Variants in FAM20C observed in about 807,000 individuals in gnomAD.
FAM20C encodes the protein extracellular serine/threonine protein kinase FAM20C.
FAM20C carries 40 observed loss-of-function variants against 51.5 expected under a neutral mutation model. That is an observed-to-expected ratio of 0.78 (90% CI 0.60 to 1.01). FAM20C has a LOEUF of 1.01. Ranked by LOEUF, FAM20C falls within the 50% of genes least tolerant of loss-of-function variation. The probability of loss-of-function intolerance (pLI) is 0.00; values close to 1 mark genes in which losing one functional copy is unlikely to be tolerated. For synonymous variants in FAM20C, 406 were observed against 380.6 expected, an observed-to-expected ratio of 1.07 and a Z score of -0.78; for missense variants, 861 against 844.7, an observed-to-expected ratio of 1.02 and a Z score of -0.24.
In FAM20C at chr7:208,336, TGTGTGTTGTGTGTACTGTAGG is replaced by T. The variant is rs1786535817; in HGVS notation, c.785-556_785-536del. Among the ~76,000 whole-genome samples the T allele has an allele frequency of 5.0e-5, 7 of 139,858 alleles. No homozygotes were observed. In the South Asian group the frequency reaches 1.6e-3, roughly 32 times the overall value. 91.8% of individuals were successfully genotyped at this position (139,858 alleles called of 152,430 possible). On this transcript the variant is annotated intron_variant, in intron 2 of 9. Transcript: ENST00000313766. ...GCCCTTGTGTCTGTGGGTGTGTAGG[TGTGTGTTGTGTGTACTGTAGG>T]GTGTGGTGTGTGTAGGTGTGTATGG...
intron 4 of FAM20C, among the ~76,000 whole-genome samples, chr7:247,391 C>T (rs1788210729): frequency 6.6e-6 from 1 of 152,178 alleles, no homozygotes; most frequent in South Asian, 2.1e-4. Flanking sequence ...AGCCTCCCTG[C>T]CTGCCCTGCA....
chr7:194,135 G>A (rs1435044699), intron 1 of FAM20C: 7 of 298,032 alleles, frequency 2.3e-5, no homozygotes, highest in African/African-American at 1.5e-4. Context: ...AGTTGGTGAG[G>A]GAAGGAGCCA....
At chr7:257,128 C>A in intron 8 of FAM20C, 42 bp downstream of exon 8, 1 of 1,521,240 alleles carries the variant, frequency 6.6e-7, no homozygotes, top group Non-Finnish European at 8.8e-7. Context: ...GAAGGGCCGG[C>A]CACCTCCCAG....
intron 3 of FAM20C, among the ~76,000 whole-genome samples, chr7:226,997 C>G (rs1446540246): frequency 2.6e-5 from 4 of 152,136 alleles, no homozygotes; most frequent in African/African-American, 9.7e-5. Flanking sequence ...GGCACCCTCC[C>G]CTCGGCTGTT....
chr7:234,130 C>T (rs1431547696), intron 3 of FAM20C, among the ~76,000 whole-genome samples: 3 of 152,216 alleles, frequency 2.0e-5, no homozygotes, highest in Non-Finnish European at 2.9e-5. Flanking sequence ...CAAGTGGAGG[C>T]GTGACGCCTG....
chr7:247,789 G>C (rs1404675881), intron 4 of FAM20C, among the ~76,000 whole-genome samples: 1 of 152,240 alleles, frequency 6.6e-6, no homozygotes, highest in Non-Finnish European at 1.5e-5. Flanking sequence ...TGGAGGGGGA[G>C]GGTGCTCCAC....
chr7:235,926 G>A (rs949100858), intron 3 of FAM20C, among the ~76,000 whole-genome samples: 2 of 152,338 alleles, frequency 1.3e-5, no homozygotes, highest in Non-Finnish European at 2.9e-5. Context: ...GCCACGGTAC[G>A]CTCTGCTGCT....
chr7:257,463 T>C (rs1788630077), intron 8 of FAM20C: 1 of 215,786 alleles, frequency 4.6e-6, no homozygotes, highest in Admixed American at 5.3e-5. Context: ...CTGCGGCCGC[T>C]GCTGGCCTGC....
At chr7:213,433 T>C (rs1019973915) in intron 3 of FAM20C, among the ~76,000 whole-genome samples, 8 of 152,268 alleles carry the variant, frequency 5.3e-5, no homozygotes, top group African/African-American at 1.9e-4. Context: ...TCTGAGGCTC[T>C]GGAGTCCGGC....
chr7:212,251 C>A (rs920553703), intron 3 of FAM20C, among the ~76,000 whole-genome samples: 8 of 152,182 alleles, frequency 5.3e-5, no homozygotes, highest in Non-Finnish European at 8.8e-5. Context: ...TCATTTGAAT[C>A]CAGGAGTTCA....
rs141910291 is a variant in FAM20C at position 256,814 on chromosome 7, C to T, written c.1363+51C>T. 3,681 of 1,499,310 alleles carry T rather than the reference C, an allele frequency of 2.5e-3. 73 individuals are homozygous for T. In the African/African-American group the frequency reaches 0.041, roughly 17 times the overall value. 92.9% of individuals were successfully genotyped at this position (1,499,310 alleles called of 1,614,324 possible). On this transcript the variant is annotated intron_variant, in intron 7 of 9. Coordinates refer to ENST00000313766, the MANE Select transcript of FAM20C (RefSeq NM_020223.4). ...CCCGTGTCACTCGCCTTGCGTGGAG[C>T]GGATGCACGCAGGGCTCTGCAGGGC...
In FAM20C at chr7:193,275, G is replaced by C. The variant is rs1177102899; in HGVS notation, c.76G>C (p.Ala26Pro). The C allele has an allele frequency of 1.3e-5, 19 of 1,448,822 alleles. No individual in the cohort carries two copies. Among genetic ancestry groups the C allele is most frequent in the Non-Finnish European group, 1.5e-5 (17 of 1,097,014 alleles). 89.7% of individuals were successfully genotyped at this position (1,448,822 alleles called of 1,614,324 possible). A position where few individuals can be genotyped will look rare whatever the true frequency, so the allele number is the denominator to read the frequency against. The stretch of plus-strand genomic sequence containing the variant: ...CCTGGTGGCCTGCGCGCTGCACATC[G>C]CCCTGGACCTGCTGCCCAGGCTGGA... ...VFLVACALHI[A>P]LDLLPRLERR... The change falls in exon 1 of 10, where the codon GCC (alanine) becomes CCC (proline). Residue 26 changes from alanine (A) to proline (P), a missense_variant. By Grantham distance (27) the Ala-to-Pro change is conservative (BLOSUM62 -1). Transcript: ENST00000313766.
intron 2 of FAM20C, among the ~76,000 whole-genome samples, chr7:204,961 C>G (rs1405662115): frequency 5.3e-5 from 8 of 152,222 alleles, no homozygotes; most frequent in Admixed American, 5.2e-4. Context: ...CGTGGTGAGC[C>G]CCCACGCCAC....
intron 3 of FAM20C, among the ~76,000 whole-genome samples, chr7:218,765 A>G (rs1787117138): frequency 6.6e-6 from 1 of 152,094 alleles, no homozygotes; most frequent in Non-Finnish European, 1.5e-5. Context: ...CAGGCCCAGG[A>G]CGCACAGATC....
Position 259,851 on chromosome 7 carries a change from C to G in FAM20C, c.1626C>G (p.His542Gln), listed in dbSNP as rs1435391390. The G allele has an allele frequency of 6.5e-7, 1 of 1,536,454 alleles. No homozygotes were observed. Among genetic ancestry groups the G allele is most frequent in the Admixed American group, 2.0e-5 (1 of 51,002 alleles). ...DQVAPVLYQP[H>Q]LEALDRRLRV... ...TGGCACCCGTGCTGTACCAGCCGCA[C>G]CTGGAGGCCCTGGACCGGCGGCTCC... Residue 542 changes from histidine (H) to glutamine (Q), a missense_variant, in exon 10 of 10, where the codon CAC (histidine) becomes CAG (glutamine). Physicochemically the swap from His to Gln is conservative, Grantham distance 24. Coordinates refer to ENST00000313766, the MANE Select transcript of FAM20C (RefSeq NM_020223.4).
intron 2 of FAM20C, among the ~76,000 whole-genome samples, chr7:198,380 C>T (rs1785979650): frequency 6.6e-6 from 1 of 152,112 alleles, no homozygotes. Flanking sequence ...TAATCTGGAC[C>T]TGGTATAATC....
At chr7:251,835 C>A (rs1460972648) in intron 5 of FAM20C, among the ~76,000 whole-genome samples, 1 of 152,176 alleles carries the variant, frequency 6.6e-6, no homozygotes, top group Non-Finnish European at 1.5e-5. Context: ...CCAAGACTTC[C>A]TCGGCCACCA....
intron 3 of FAM20C, chr7:245,976 A>G (rs1476102336): frequency 3.2e-5 from 5 of 157,050 alleles, no homozygotes; most frequent in African/African-American, 4.8e-5. Flanking sequence ...GGGTGCACAC[A>G]GCAAACCGGG....
chr7:234,051 C>T (rs954312887), intron 3 of FAM20C, among the ~76,000 whole-genome samples: 3,420 of 152,292 alleles, frequency 0.022, 119 homozygotes, highest in African/African-American at 0.078. Flanking sequence ...CTGCTCAGTG[C>T]CCCCCTGGGG....
Sources: allele counts gnomAD v4.1 joint callset (sites outside exome capture counted in the v4.1 genomes callset), GRCh38; gene constraint gnomAD v4.1.1; transcripts MANE v1.5; gene names NCBI Gene and HGNC (gene_info 2026-07-23, HGNC 2026-07-21).